MCF2L2: variants seen among roughly 807,000 people sequenced by gnomAD.
The protein encoded by MCF2L2 is probable guanine nucleotide exchange factor MCF2L2.
Under a neutral mutation model 150.2 loss-of-function variants are expected in MCF2L2, and 102 were observed. The ratio of observed to expected loss-of-function variants is 0.68; its 90% CI spans 0.58 to 0.80. MCF2L2 has a LOEUF of 0.80. Ranked by LOEUF, MCF2L2 falls within the 30% of genes least tolerant of loss-of-function variation. MCF2L2 has a pLI of 0.00. For synonymous variants in MCF2L2, 465 were observed against 491.3 expected (o/e 0.95, Z 0.71); for missense variants, 1,256 against 1,372.8 (o/e 0.91, Z 1.34).
chr3:183,234,687 C>CTTTT (rs71185647), intron 15 of MCF2L2, among the ~76,000 whole-genome samples: 1,560 of 83,982 alleles, frequency 0.019, 22 homozygotes, highest in African/African-American at 0.042. Context: ...ATGTATGACT[C>CTTTT]TTTTTTTTTT....
chr3:183,258,336 C>A, intron 15 of MCF2L2: 1 of 153,038 alleles, frequency 6.5e-6, no homozygotes. Flanking sequence ...TTCTCCCATC[C>A]AAGTACTAAC....
At chr3:183,207,943 G>T in intron 22 of MCF2L2, 120 bp from the exon 23 acceptor site, 1 of 755,432 alleles carries the variant, frequency 1.3e-6, no homozygotes. Flanking sequence ...AATTCTAAAA[G>T]TGCTATTCAG....
chr3:183,249,652 C>A (rs897516419), intron 15 of MCF2L2, among the ~76,000 whole-genome samples: 5 of 152,130 alleles, frequency 3.3e-5, no homozygotes, highest in Non-Finnish European at 7.3e-5. Context: ...ACTGCTGAGG[C>A]CCTGGAATTG....
chr3:183,422,228 G>A (rs1715920859), intron 1 of MCF2L2, among the ~76,000 whole-genome samples: 1 of 152,164 alleles, frequency 6.6e-6, no homozygotes, highest in Non-Finnish European at 1.5e-5. Context: ...AAAGCTACCA[G>A]ACTCCTCTTA....
intron 15 of MCF2L2, among the ~76,000 whole-genome samples, chr3:183,257,002 G>A (rs1199380377): frequency 6.6e-6 from 1 of 151,996 alleles, no homozygotes; most frequent in Non-Finnish European, 1.5e-5. Flanking sequence ...CCTAATTAAT[G>A]TTTTTTGAGA....
intron 3 of MCF2L2, among the ~76,000 whole-genome samples, chr3:183,348,536 G>T (rs1468397826): frequency 6.6e-6 from 1 of 151,974 alleles, no homozygotes; most frequent in Non-Finnish European, 1.5e-5. Context: ...CGCTCATTCT[G>T]CACATGTATC....
intron 1 of MCF2L2, among the ~76,000 whole-genome samples, chr3:183,424,009 C>T (rs1244518711): frequency 6.6e-6 from 1 of 152,082 alleles, no homozygotes; most frequent in East Asian, 1.9e-4. Context: ...AATCCTAGAG[C>T]AATCTGAGAT....
intron 1 of MCF2L2, among the ~76,000 whole-genome samples, chr3:183,408,043 A>G (rs1259709533): frequency 1.3e-5 from 2 of 152,164 alleles, no homozygotes; most frequent in Non-Finnish European, 1.5e-5. Context: ...CTCCGGCTCC[A>G]TTTCAAAGTG....
chr3:183,331,489 C>T (rs1730270975), intron 5 of MCF2L2, among the ~76,000 whole-genome samples: 1 of 152,188 alleles, frequency 6.6e-6, no homozygotes, highest in Admixed American at 6.5e-5. Context: ...TTTCTGTATA[C>T]ATTTGTGTTC....
intron 21 of MCF2L2, among the ~76,000 whole-genome samples, chr3:183,216,400 T>TATA (rs1722913651): frequency 7.0e-6 from 1 of 143,644 alleles, no homozygotes; most frequent in East Asian, 2.0e-4. Context: ...TATAGCTGAA[T>TATA]TCTATATGTT....
chr3:183,239,598 G>A (rs539639347), intron 15 of MCF2L2, among the ~76,000 whole-genome samples: 79 of 40,692 alleles, frequency 1.9e-3, no homozygotes, highest in African/African-American at 1.4e-3. Flanking sequence ...CCGCCTCCCC[G>A]CCGTTTCTCA....
chr3:183,323,635 A>AT (rs1729905263), intron 5 of MCF2L2, among the ~76,000 whole-genome samples: 1 of 151,566 alleles, frequency 6.6e-6, no homozygotes, highest in African/African-American at 2.4e-5. Context: ...CTAGAAAAAA[A>AT]ATAAAAAAAA....
At chr3:183,398,229 A>G (rs1714566217) in intron 1 of MCF2L2, among the ~76,000 whole-genome samples, 1 of 152,178 alleles carries the variant, frequency 6.6e-6, no homozygotes, top group Middle Eastern at 3.2e-3. Flanking sequence ...GTGAATGCCA[A>G]TGGGAGGTAA....
intron 9 of MCF2L2, among the ~76,000 whole-genome samples, chr3:183,310,331 T>C (rs546009168): frequency 3.9e-5 from 6 of 151,924 alleles, no homozygotes; most frequent in East Asian, 1.9e-4. Context: ...TGAAACCCCA[T>C]CTCTACCAAA....
rs1358611359 is a variant in MCF2L2 at position 183,283,678 on chromosome 3, T to G, written c.1776+5442A>C. Among the ~76,000 whole-genome samples the G allele has an allele frequency of 1.3e-5, 2 of 152,036 alleles. No homozygotes were observed. Among genetic ancestry groups the G allele is most frequent in the African/African-American group, 4.8e-5 (2 of 41,396 alleles). On this transcript the variant is annotated intron_variant, in intron 14 of 29. Transcript: ENST00000328913. The surrounding 1 kb of genome is among the most constrained non-coding windows in gnomAD (Gnocchi z 4.2). The stretch of plus-strand genomic sequence containing the variant: ...CTGGGATTACAGGTGCCCGCCACCA[T>G]GCCCAGCTAATTTTTGTATTTTTAG...
intron 5 of MCF2L2, among the ~76,000 whole-genome samples, chr3:183,329,552 A>C (rs1250609503): frequency 6.6e-6 from 1 of 152,246 alleles, no homozygotes; most frequent in African/African-American, 2.4e-5. Context: ...TGAATGGTGA[A>C]CAGATAAACA....
chr3:183,185,692 G>A (rs1434860985), intron 27 of MCF2L2, among the ~76,000 whole-genome samples: 2 of 152,180 alleles, frequency 1.3e-5, no homozygotes, highest in African/African-American at 4.8e-5. Flanking sequence ...GCTCCCAACA[G>A]GAGAGAGTTC....
At chr3:183,198,757 G>C (rs1030593454) in intron 25 of MCF2L2, among the ~76,000 whole-genome samples, 2 of 152,116 alleles carry the variant, frequency 1.3e-5, no homozygotes, top group African/African-American at 4.8e-5. Flanking sequence ...TTTGAATGCA[G>C]GTGGTCCTTA....
At position 183,428,224 on chromosome 3, in the gene MCF2L2, G is replaced by T. The variant is rs1190126138; in HGVS notation, c.-247C>A. On this transcript the variant is annotated 5_prime_UTR_variant, in exon 1 of 30. Coordinates refer to ENST00000328913, the MANE Select transcript of MCF2L2 (RefSeq NM_015078.4). This position sits in a 1 kb window ranked among gnomAD's most constrained non-coding sequence, Gnocchi z 5.1. ...GTCGCAGCTGGACCGAGAGAGGAGCGGCCGTTCTGCAAAAGGAAGCAAGTC... is the reference window on the plus strand; with the variant it reads ...GTCGCAGCTGGACCGAGAGAGGAGCTGCCGTTCTGCAAAAGGAAGCAAGTC... The T allele has an allele frequency of 2.1e-6, 1 of 479,508 alleles. No homozygotes were observed. 29.7% of individuals were successfully genotyped at this position (479,508 alleles called of 1,614,324 possible).
Sources: gnomAD v4.1 joint callset for allele counts (sites outside exome capture counted in the v4.1 genomes callset) on GRCh38, gnomAD v4.1.1 for gene constraint, Gnocchi (gnomAD v3.1) non-coding constraint, MANE v1.5 for transcripts, NCBI Gene and HGNC (gene_info 2026-07-23, HGNC 2026-07-21) for gene names.